The following RANBP3 variants were observed in gnomAD, a reference collection of about 807,000 sequenced individuals.
RANBP3 encodes RAN binding protein 3, also known as ran-binding protein 3.
RANBP3 carries 14 observed loss-of-function variants against 77.3 expected under a neutral mutation model. That is an observed-to-expected ratio of 0.18 (90% confidence interval 0.12 to 0.28). RANBP3 has a LOEUF of 0.28. Ranked by LOEUF, RANBP3 falls within the 10% of genes least tolerant of loss-of-function variation. RANBP3 has a pLI of 1.00. For missense variants in RANBP3, 586 were observed against 752.3 expected, an observed-to-expected ratio of 0.78 and a Z score of 2.59; for synonymous variants, 315 against 312.4, an observed-to-expected ratio of 1.01 and a Z score of -0.09.
chr19:5,953,309 T>C (rs1480476455), intron 2 of RANBP3, among the ~76,000 whole-genome samples: 2 of 151,304 alleles, frequency 1.3e-5, no homozygotes, highest in Admixed American at 1.3e-4. Context: ...AAGCCTGGAG[T>C]TTTTCAACAT....
intron 1 of RANBP3, among the ~76,000 whole-genome samples, chr19:5,970,876 G>A (rs1224258146): frequency 6.6e-6 from 1 of 152,164 alleles, no homozygotes; most frequent in Non-Finnish European, 1.5e-5. Context: ...CATGTTTCTA[G>A]GGCAGAAGGC....
chr19:5,957,947 A>G lies in RANBP3; in HGVS notation c.49T>C (p.Phe17Leu). 6.2e-7 allele frequency: 1 copy of G among 1,614,238 alleles called. No homozygotes were observed. The highest frequency in any genetic ancestry group is 8.5e-7 in the Non-Finnish European group (1 of 1,180,044). The change falls in exon 2 of 17, where the codon TTT becomes CTT. Residue 17 changes from phenylalanine to leucine, a missense_variant. Physicochemically the swap from Phe to Leu is conservative, Grantham distance 22. Coordinates refer to ENST00000340578, the MANE Select transcript of RANBP3 (RefSeq NM_007322.3). ...EEKPAIAPPVFVFQKDKGQKS... is the reference protein window; with the variant it reads ...EEKPAIAPPVLVFQKDKGQKS... ...TGTCCTTTATCCTTCTGAAACACAA[A>G]GACGGGCGGAGCAATGGCAGGCTTT...
At chr19:5,928,185 C>T (rs2057938912) in intron 8 of RANBP3, 98 bp from the exon 9 acceptor site, 7 of 1,403,278 alleles carry the variant, frequency 5.0e-6, no homozygotes, top group East Asian at 4.7e-5. Context: ...GTACTCCACA[C>T]GTCTCCTCTG....
intron 15 of RANBP3, 74 bp downstream of exon 15, chr19:5,918,422 G>T: frequency 1.5e-6 from 2 of 1,372,120 alleles, no homozygotes; most frequent in Non-Finnish European, 1.9e-6. Context: ...CGTCCTGCCT[G>T]ATCTGTGTGC....
At chr19:5,967,050 A>C (rs2058475822) in intron 1 of RANBP3, among the ~76,000 whole-genome samples, 1 of 152,228 alleles carries the variant, frequency 6.6e-6, no homozygotes, top group Non-Finnish European at 1.5e-5. Context: ...ACAAAGGTAA[A>C]TCTGTCACTG....
In RANBP3 at chr19:5,921,075, G is replaced by A. The variant is rs140130225; in HGVS notation, c.1330+126C>T. 868 of 1,271,050 alleles carry A rather than the reference G, an allele frequency of 6.8e-4. 3 individuals are homozygous for A. The African/African-American group carries it at 0.012, about 17-fold the overall frequency. The allele number at this position is 1,271,050 out of a possible 1,614,324, so 78.7% of individuals were successfully genotyped here. On this transcript the variant is annotated intron_variant, in intron 14 of 16. Coordinates refer to ENST00000340578, the MANE Select transcript of RANBP3 (RefSeq NM_007322.3). The surrounding 1 kb of genome is among the most constrained non-coding windows in gnomAD (Gnocchi z 5.3). ...TGGGGGGCGGCTCTCATGGGAGACC[G>A]ACTCTGTGCCTTGACTCTCACAAGG...
chr19:5,917,374 A>G lies in RANBP3; in HGVS notation c.*236T>C, dbSNP rs1237133250. 1.9e-6 allele frequency: 1 copy of G among 528,110 alleles called. No individual in the cohort carries two copies. The allele number at this position is 528,110 out of a possible 1,614,324, so 32.7% of individuals were successfully genotyped here. A position where few individuals can be genotyped will look rare whatever the true frequency, so the allele number is the denominator to read the frequency against. On this transcript the variant is annotated 3_prime_UTR_variant, in exon 17 of 17. Transcript: ENST00000340578. ...CATTTCAATTCAAAGGAGGGGAGGGAGGAAATGTTCTTGTTTGTTCGCTCA... is the reference window on the plus strand; with the variant it reads ...CATTTCAATTCAAAGGAGGGGAGGGGGGAAATGTTCTTGTTTGTTCGCTCA...
rs118111650 is a variant in RANBP3, at chr19:5,934,903, G to A, written c.407-1424C>T. Among the ~76,000 whole-genome samples, 78 of 152,284 alleles carry A rather than the reference G, an allele frequency of 5.1e-4. No individual in the cohort carries two copies. The East Asian group carries it at 0.014, about 27-fold the overall frequency. The stretch of plus-strand genomic sequence containing the variant: ...CAAAAGAAAAACACCCCCTCATGCT[G>A]TCTGATTGCATTTCTGTGAAATGCC... On this transcript the variant is annotated intron_variant, in intron 5 of 16. Transcript: ENST00000340578.
At chr19:5,962,643 G>A (rs2058417976) in intron 1 of RANBP3, 11 of 455,868 alleles carry the variant, frequency 2.4e-5, no homozygotes, top group South Asian at 1.5e-4. Context: ...GCTGATGGCA[G>A]GTCTGGCATT....
rs35895100 is a variant in RANBP3, at chr19:5,917,633, C to G, written c.1681G>C (p.Gly561Arg). Residue 561 changes from glycine to arginine, a missense_variant, in exon 17 of 17, where the codon GGG becomes CGG. Coordinates refer to ENST00000340578, the MANE Select transcript of RANBP3 (RefSeq NM_007322.3). Reference sequence around the variant, plus strand: ...CGCTATGTGCTCCCGGTCGTCTGCCCGTCCCCTTCGTCACCAGCACCTGCA... The same window carrying G: ...CGCTATGTGCTCCCGGTCGTCTGCCGGTCCCCTTCGTCACCAGCACCTGCA... ...TAAGAGDEGD[G>R]QTTGST The G allele has an allele frequency of 1.2e-6, 2 of 1,605,994 alleles. No individual in the cohort carries two copies. The highest frequency in any genetic ancestry group is 1.1e-5 in the South Asian group (1 of 90,306).
intron 3 of RANBP3, among the ~76,000 whole-genome samples, chr19:5,947,821 T>A (rs567460319): frequency 1.1e-4 from 16 of 152,244 alleles, no homozygotes; most frequent in African/African-American, 3.9e-4. Flanking sequence ...AACTCAATTC[T>A]GTGAGGCGCA....
chr19:5,942,219 A>G (rs2058147189), intron 3 of RANBP3, among the ~76,000 whole-genome samples: 3 of 152,158 alleles, frequency 2.0e-5, no homozygotes, highest in Admixed American at 6.5e-5. Context: ...AGGGCAGCGG[A>G]CTTGTGTAAA....
At chr19:5,954,652 G>C (rs1434024577) in intron 2 of RANBP3, among the ~76,000 whole-genome samples, 6 of 152,148 alleles carry the variant, frequency 3.9e-5, no homozygotes, top group African/African-American at 1.4e-4. Flanking sequence ...AACCTCCTCG[G>C]AAAAACAATG....
intron 2 of RANBP3, 63 bp downstream of exon 2, chr19:5,957,855 C>G: frequency 6.3e-7 from 1 of 1,578,228 alleles, no homozygotes; most frequent in Non-Finnish European, 8.7e-7. Context: ...GGAAAAGAGA[C>G]TCTCAGTAAA....
chr19:5,967,474 C>T (rs117822968), intron 1 of RANBP3, among the ~76,000 whole-genome samples: 14 of 152,288 alleles, frequency 9.2e-5, no homozygotes, highest in Admixed American at 2.0e-4. Flanking sequence ...TACTGGACTC[C>T]GAGGTAGGTA....
At chr19:5,967,311 A>C (rs569905431) in intron 1 of RANBP3, among the ~76,000 whole-genome samples, 92 of 152,178 alleles carry the variant, frequency 6.0e-4, no homozygotes, top group Non-Finnish European at 1.1e-3. Context: ...GATATCCTAC[A>C]TTTTATGTAC....
Position 5,924,769 on chromosome 19 carries a change from C to G in RANBP3, c.996+58G>C. 6.5e-7 allele frequency: 1 copy of G among 1,528,284 alleles called. No individual in the cohort carries two copies. The highest frequency in any genetic ancestry group is 9.1e-7 in the Non-Finnish European group (1 of 1,102,472). The allele number at this position is 1,528,284 out of a possible 1,614,324, so 94.7% of individuals were successfully genotyped here. A position where few individuals can be genotyped will look rare whatever the true frequency, so the allele number is the denominator to read the frequency against. On this transcript the variant is annotated intron_variant, in intron 11 of 16. Transcript: ENST00000340578. The surrounding 1 kb of genome is among the most constrained non-coding windows in gnomAD (Gnocchi z 4.7). ...GCCCTGCTCTCCATGTCCCCTTGAC[C>G]TGTGGCTGGCGCCGAGAGCCTCTGG...
rs1232127198 is a variant in RANBP3, at chr19:5,921,121, G to A, written c.1330+80C>T. 25 of 1,502,712 alleles carry A rather than the reference G, an allele frequency of 1.7e-5. No individual in the cohort carries two copies. Among genetic ancestry groups the A allele is most frequent in the African/African-American group, 4.2e-5 (3 of 72,124 alleles). 93.1% of individuals were successfully genotyped at this position (1,502,712 alleles called of 1,614,324 possible). On this transcript the variant is annotated intron_variant, in intron 14 of 16. Transcript: ENST00000340578. This position sits in a 1 kb window ranked among gnomAD's most constrained non-coding sequence, Gnocchi z 5.3. The stretch of plus-strand genomic sequence containing the variant: ...CAAGGGTAGGGTCAGGATCTCCCCC[G>A]CTTCATTCCCTTTGGAATTGCATAG...
At chr19:5,950,005 G>C (rs1415917624) in intron 3 of RANBP3, among the ~76,000 whole-genome samples, 1 of 150,742 alleles carries the variant, frequency 6.6e-6, no homozygotes, top group Admixed American at 6.6e-5. Flanking sequence ...GAAGGCCTCT[G>C]GGGGGGACCC....
Sources: allele counts gnomAD v4.1 joint callset (sites outside exome capture counted in the v4.1 genomes callset), GRCh38; gene constraint gnomAD v4.1.1; non-coding constraint Gnocchi (gnomAD v3.1); transcripts MANE v1.5; gene names NCBI Gene and HGNC (gene_info 2026-07-23, HGNC 2026-07-21).